The following PAX7 variants were observed in gnomAD, a reference collection of about 807,000 sequenced individuals.
PAX7 encodes paired box 7.
A neutral mutation model predicts 50.7 loss-of-function variants in PAX7; 18 were observed. The observed-to-expected ratio is 0.36, with a 90% confidence interval of 0.25 to 0.53. The LOEUF (loss-of-function observed/expected upper bound fraction) is 0.53. Ranked by LOEUF, PAX7 falls within the 20% of genes least tolerant of loss-of-function variation. PAX7 has a pLI of 0.93. For synonymous variants in PAX7, 310 were observed against 290.4 expected (o/e 1.07, Z -0.69); for missense variants, 644 against 702.9 (o/e 0.92, Z 0.95).
At chr1:18,691,629 T>A in intron 4 of PAX7, 125 bp from the exon 5 acceptor site, 1 of 739,566 alleles carries the variant, frequency 1.4e-6, no homozygotes, top group Non-Finnish European at 2.3e-6. Context: ...TTGGGAGGAG[T>A]CTGATCGAAG....
chr1:18,667,325 T>G (rs1019329863), intron 4 of PAX7, among the ~76,000 whole-genome samples: 12 of 150,426 alleles, frequency 8.0e-5, no homozygotes, highest in African/African-American at 2.9e-4. Context: ...AGTGGTTGGG[T>G]TTTGCCCGCA....
intron 7 of PAX7, among the ~76,000 whole-genome samples, chr1:18,717,377 C>T (rs1238061487): frequency 6.6e-6 from 1 of 152,182 alleles, no homozygotes; most frequent in Non-Finnish European, 1.5e-5. Flanking sequence ...GAGGCTCCCT[C>T]GGGAGCGCCC....
intron 4 of PAX7, among the ~76,000 whole-genome samples, chr1:18,639,483 G>T (rs537786878): frequency 1.3e-5 from 2 of 151,730 alleles, no homozygotes; most frequent in Non-Finnish European, 1.5e-5. Context: ...ATAGGTGCTT[G>T]CCCCAGTCAA....
intron 7 of PAX7, among the ~76,000 whole-genome samples, chr1:18,706,762 C>T (rs1035709023): frequency 9.2e-5 from 14 of 152,306 alleles, no homozygotes; most frequent in South Asian, 2.1e-4. Flanking sequence ...GTATTACAGG[C>T]GTGAGCCACT....
At chr1:18,654,196 T>TC (rs2088477875) in intron 4 of PAX7, among the ~76,000 whole-genome samples, 1 of 144,684 alleles carries the variant, frequency 6.9e-6, no homozygotes, top group Non-Finnish European at 1.5e-5. Context: ...CAGTGAGCCC[T>TC]CCCCCCACCC....
Position 18,632,973 on chromosome 1 carries a change from G to T in PAX7, c.85+1285G>T, listed in dbSNP as rs1404283176. On this transcript the variant is annotated intron_variant, in intron 1 of 8. Transcript: ENST00000420770. The surrounding 1 kb of genome is among the most constrained non-coding windows in gnomAD (Gnocchi z 6.3). ...TTTGCCCAACATGACGCAGAATACTGAGGAGAGCCGAGTGCCGGTCGCTAA... is the reference window on the plus strand; with the variant it reads ...TTTGCCCAACATGACGCAGAATACTTAGGAGAGCCGAGTGCCGGTCGCTAA... Among the ~76,000 whole-genome samples the T allele has an allele frequency of 6.6e-6, 1 of 152,244 alleles. No homozygotes were observed. The highest frequency in any genetic ancestry group is 1.5e-5 in the Non-Finnish European group (1 of 68,048).
intron 4 of PAX7, among the ~76,000 whole-genome samples, chr1:18,659,392 T>C (rs751585346): frequency 5.9e-5 from 9 of 152,168 alleles, no homozygotes; most frequent in Non-Finnish European, 1.3e-4. Flanking sequence ...TCCCTCCCCC[T>C]CCTTTCCACT....
At chr1:18,704,708 A>C (rs2089262335) in intron 7 of PAX7, among the ~76,000 whole-genome samples, 1 of 152,184 alleles carries the variant, frequency 6.6e-6, no homozygotes, top group Admixed American at 6.5e-5. Flanking sequence ...TAAATTAAAA[A>C]AAAAAACAAA....
At chr1:18,722,170 C>T (rs1353433091) in intron 7 of PAX7, among the ~76,000 whole-genome samples, 1 of 152,140 alleles carries the variant, frequency 6.6e-6, no homozygotes, top group African/African-American at 2.4e-5. Context: ...GGGTGGCTGA[C>T]CTTGGAAGTG....
chr1:18,703,779 A>G (rs2089252375), intron 7 of PAX7, among the ~76,000 whole-genome samples: 1 of 152,190 alleles, frequency 6.6e-6, no homozygotes, highest in Admixed American at 6.5e-5. Flanking sequence ...TAGCTTCAGC[A>G]GGCTCCCAAA....
chr1:18,692,215 T>G, intron 5 of PAX7, among the ~76,000 whole-genome samples: 2 of 149,680 alleles, frequency 1.3e-5, no homozygotes, highest in East Asian at 2.0e-4. Flanking sequence ...AGGAAGAAGG[T>G]GGAAGGGAAA....
chr1:18,746,443 C>T lies in PAX7; in HGVS notation c.*1514C>T. On this transcript the variant is annotated 3_prime_UTR_variant, in exon 9 of 9. Transcript: ENST00000420770. Reference sequence around the variant, plus strand: ...TGATTCAAACCCTCAATTCCTCCTCCCTGGGAACTTTTTACCACCTTTACC... The same window carrying T: ...TGATTCAAACCCTCAATTCCTCCTCTCTGGGAACTTTTTACCACCTTTACC... 1 of 230,934 alleles carries T rather than the reference C, an allele frequency of 4.3e-6. No individual in the cohort carries two copies. Among genetic ancestry groups the T allele is most frequent in the Non-Finnish European group, 8.6e-6 (1 of 116,634 alleles). 14.3% of individuals were successfully genotyped at this position (230,934 alleles called of 1,614,324 possible).
chr1:18,725,815 G>A (rs2089558381), intron 7 of PAX7, among the ~76,000 whole-genome samples: 1 of 152,108 alleles, frequency 6.6e-6, no homozygotes. Flanking sequence ...CCCACCAGGG[G>A]CCCTGAGCCC....
Position 18,716,845 on chromosome 1 carries a change from C to CCCCTTG in PAX7, c.1155+13560_1155+13565dup, listed in dbSNP as rs11278100. ...CCTCCATCTTCAGCCCCTGCGCGCC[C>CCCCTTG]CCCTTGCCCTTGCCCTCTCCCCCAC... On this transcript the variant is annotated intron_variant, in intron 7 of 8. Transcript: ENST00000420770. Among the ~76,000 whole-genome samples the CCCCTTG allele has an allele frequency of 5.3e-5, 8 of 151,478 alleles. No individual in the cohort carries two copies. The East Asian group carries it at 6.0e-4, about 11-fold the overall frequency.
chr1:18,681,616 G>C (rs1276999724), intron 4 of PAX7, among the ~76,000 whole-genome samples: 1 of 152,166 alleles, frequency 6.6e-6, no homozygotes, highest in Non-Finnish European at 1.5e-5. Flanking sequence ...CAGAGAGCCA[G>C]GATCAGAGAA....
At chr1:18,739,944 A>T (rs1248415873) in intron 8 of PAX7, among the ~76,000 whole-genome samples, 2 of 152,162 alleles carry the variant, frequency 1.3e-5, no homozygotes, top group Non-Finnish European at 2.9e-5. Context: ...AATAGATCTG[A>T]CAAGTCTAAT....
chr1:18,713,230 T>C (rs925516435), intron 7 of PAX7, among the ~76,000 whole-genome samples: 5 of 151,878 alleles, frequency 3.3e-5, no homozygotes, highest in African/African-American at 7.3e-5. Context: ...TATAAACAAG[T>C]GGGGAAGGGG....
intron 3 of PAX7, 99 bp downstream of exon 3, chr1:18,635,339 T>A (rs1258811749): frequency 7.1e-7 from 1 of 1,408,066 alleles, no homozygotes; most frequent in East Asian, 2.4e-5. Context: ...AGATGATGGC[T>A]GACTGTGAAC....
At chr1:18,678,122 A>G (rs1424850528) in intron 4 of PAX7, among the ~76,000 whole-genome samples, 1 of 150,888 alleles carries the variant, frequency 6.6e-6, no homozygotes, top group Non-Finnish European at 1.5e-5. Flanking sequence ...GAAAGAAAAG[A>G]AGCATTTAGC....
Sources: gnomAD v4.1 joint callset for allele counts (sites outside exome capture counted in the v4.1 genomes callset) on GRCh38, gnomAD v4.1.1 for gene constraint, Gnocchi (gnomAD v3.1) non-coding constraint, MANE v1.5 for transcripts, NCBI Gene and HGNC (gene_info 2026-07-23, HGNC 2026-07-21) for gene names.